The following PTPRD variants were observed in gnomAD, a reference collection of about 807,000 sequenced individuals.
PTPRD encodes the protein protein tyrosine phosphatase receptor type D.
Under a neutral mutation model 214.5 loss-of-function variants are expected in PTPRD, and 34 were observed. That is an observed-to-expected ratio of 0.16 (90% CI 0.12 to 0.21). The LOEUF is 0.21. PTPRD is among the 10% of genes least tolerant of loss of function. The pLI, the probability that PTPRD is intolerant of heterozygous loss-of-function variation, is 1.00. For synonymous variants in PTPRD, 1,128 were observed against 845.7 expected, an observed-to-expected ratio of 1.33 and a Z score of -5.79; for missense variants, 2,545 against 2,398.7, an observed-to-expected ratio of 1.06 and a Z score of -1.27.
intron 3 of PTPRD, among the ~76,000 whole-genome samples, chr9:10,083,342 A>G (rs1159002744): frequency 6.6e-6 from 1 of 151,984 alleles, no homozygotes; most frequent in East Asian, 1.9e-4. Context: ...AGCATTCTCA[A>G]TGCCTATGTA....
At chr9:10,360,457 T>A (rs2097357890) in intron 2 of PTPRD, among the ~76,000 whole-genome samples, 1 of 152,240 alleles carries the variant, frequency 6.6e-6, no homozygotes, top group Admixed American at 6.5e-5. Context: ...ACATAACATG[T>A]CACATTTTCT....
In PTPRD at chr9:8,447,152, G is replaced by C. The variant is rs145158714; in HGVS notation, c.3988+2573C>G. Among the ~76,000 whole-genome samples the C allele has an allele frequency of 2.0e-5, 3 of 152,346 alleles. No individual in the cohort carries two copies. In the East Asian group the frequency reaches 5.8e-4, roughly 29 times the overall value. On this transcript the variant is annotated intron_variant, in intron 34 of 45. Coordinates refer to ENST00000381196, the MANE Select transcript of PTPRD (RefSeq NM_002839.4). The stretch of plus-strand genomic sequence containing the variant: ...TAATGTACTGCTTCCTGAGTGAACA[G>C]ATGTGCTAGGACCTTAGGACAATTT...
intron 10 of PTPRD, among the ~76,000 whole-genome samples, chr9:9,079,239 G>A (rs1028654433): frequency 1.3e-5 from 2 of 151,506 alleles, no homozygotes; most frequent in African/African-American, 4.9e-5. Flanking sequence ...AATATCCTCT[G>A]TTCTACTGTT....
In PTPRD at chr9:8,941,581, T is replaced by C. The variant is rs748791971; in HGVS notation, c.-104+77116A>G. Among the ~76,000 whole-genome samples the C allele has an allele frequency of 8.0e-4, 122 of 152,252 alleles. 2 individuals carry two copies. Among genetic ancestry groups the C allele is most frequent in the East Asian group, 1.5e-3 (8 of 5,176 alleles). ...AAGGAAATAGTTCCTTGGAGTATTG[T>C]TGGGTGGAGTTTAAATATGCACATG... On this transcript the variant is annotated intron_variant, in intron 11 of 45. Coordinates refer to ENST00000381196, the MANE Select transcript of PTPRD (RefSeq NM_002839.4).
chr9:9,337,380 G>A (rs890827182), intron 9 of PTPRD, among the ~76,000 whole-genome samples: 1 of 152,058 alleles, frequency 6.6e-6, no homozygotes, highest in African/African-American at 2.4e-5. Context: ...TCAAAAAGAA[G>A]ACTTTAATAG....
intron 3 of PTPRD, among the ~76,000 whole-genome samples, chr9:10,208,260 A>G (rs1306100394): frequency 6.6e-6 from 1 of 152,220 alleles, no homozygotes; most frequent in Non-Finnish European, 1.5e-5. Flanking sequence ...CAGGCCCGTA[A>G]TCCCAGCACT....
At chr9:9,603,409 A>G (rs1222084281) in intron 7 of PTPRD, among the ~76,000 whole-genome samples, 1 of 152,186 alleles carries the variant, frequency 6.6e-6, no homozygotes, top group Non-Finnish European at 1.5e-5. Flanking sequence ...GTAATTAGAA[A>G]TAGCAAATAA....
chr9:8,389,133 G>T, intron 37 of PTPRD, 99 bp downstream of exon 37: 1 of 1,030,608 alleles, frequency 9.7e-7, no homozygotes, highest in Non-Finnish European at 1.4e-6. Context: ...AGAAAGATAA[G>T]CCTTAGGGAA....
At chr9:8,921,391 T>G (rs2098826865) in intron 11 of PTPRD, among the ~76,000 whole-genome samples, 1 of 152,188 alleles carries the variant, frequency 6.6e-6, no homozygotes, top group Non-Finnish European at 1.5e-5. Flanking sequence ...TCAGACTCAC[T>G]TGGGAGGCTA....
rs114944500 is a variant in PTPRD at position 8,971,597 on chromosome 9, T to G, written c.-104+47100A>C. On this transcript the variant is annotated intron_variant, in intron 11 of 45. Coordinates refer to ENST00000381196, the MANE Select transcript of PTPRD (RefSeq NM_002839.4). The stretch of plus-strand genomic sequence containing the variant: ...TCAATGAACATGATCTATAATTACA[T>G]GTTTAGATTCTAGTGGCAAACTATT... Among the ~76,000 whole-genome samples, 646 of 151,888 alleles carry G rather than the reference T, an allele frequency of 4.3e-3. 1 individual carries two copies. Among genetic ancestry groups the G allele is most frequent in the African/African-American group, 0.014 (585 of 41,536 alleles).
At chr9:9,555,424 C>A (rs41333948) in intron 8 of PTPRD, among the ~76,000 whole-genome samples, 2 of 151,966 alleles carry the variant, frequency 1.3e-5, no homozygotes, top group African/African-American at 4.8e-5. Context: ...GTATAAATAA[C>A]CCTGTAGAGT....
chr9:10,012,530 A>C (rs2096622846), intron 4 of PTPRD, among the ~76,000 whole-genome samples: 1 of 151,984 alleles, frequency 6.6e-6, no homozygotes, highest in Admixed American at 6.6e-5. Context: ...TATTTTTAAA[A>C]AGAAAATAAT....
intron 9 of PTPRD, among the ~76,000 whole-genome samples, chr9:9,323,933 T>C (rs1349656245): frequency 2.0e-5 from 3 of 152,150 alleles, no homozygotes; most frequent in Admixed American, 6.6e-5. Context: ...AATGAGAACA[T>C]GGAGTGTTTG....
chr9:8,447,284 G>T (rs934967982), intron 34 of PTPRD, among the ~76,000 whole-genome samples: 4 of 151,990 alleles, frequency 2.6e-5, no homozygotes, highest in African/African-American at 9.7e-5. Context: ...TTATTCATTT[G>T]AGGTGATAAG....
chr9:9,929,223 T>C (rs1445789765), intron 5 of PTPRD, among the ~76,000 whole-genome samples: 4 of 152,186 alleles, frequency 2.6e-5, no homozygotes, highest in African/African-American at 9.7e-5. Flanking sequence ...GATGAAGGAT[T>C]ATCAAGAGTA....
At chr9:9,749,658 TAATA>T (rs1406433620) in intron 6 of PTPRD, among the ~76,000 whole-genome samples, 1 of 152,142 alleles carries the variant, frequency 6.6e-6, no homozygotes, top group Non-Finnish European at 1.5e-5. Flanking sequence ...GCCTTTTTAA[TAATA>T]AATCATTTTT....
chr9:8,803,164 G>C (rs1249703272), intron 11 of PTPRD, among the ~76,000 whole-genome samples: 1 of 152,124 alleles, frequency 6.6e-6, no homozygotes, highest in African/African-American at 2.4e-5. Context: ...TTGACACATA[G>C]TCATCTTATA....
intron 11 of PTPRD, among the ~76,000 whole-genome samples, chr9:8,781,494 C>T (rs534231024): frequency 6.6e-6 from 1 of 152,104 alleles, no homozygotes; most frequent in Non-Finnish European, 1.5e-5. Context: ...AAACAGAAGG[C>T]AGGTTTTAAA....
chr9:8,914,528 G>A lies in PTPRD; in HGVS notation c.-104+104169C>T, dbSNP rs553892811. On this transcript the variant is annotated intron_variant, in intron 11 of 45. Coordinates refer to ENST00000381196, the MANE Select transcript of PTPRD (RefSeq NM_002839.4). ...GCTCAGAAATATGTAGAGTGATAGG[G>A]GTCGAGATAAATCTGGACCTGAAGC... Among the ~76,000 whole-genome samples the A allele has an allele frequency of 3.0e-3, 463 of 152,122 alleles. 1 individual carries two copies. Among genetic ancestry groups the A allele is most frequent in the Middle Eastern group, 0.014 (4 of 294 alleles).
Sources: gnomAD v4.1 joint callset for allele counts (sites outside exome capture counted in the v4.1 genomes callset) on GRCh38, gnomAD v4.1.1 for gene constraint, MANE v1.5 for transcripts, NCBI Gene and HGNC (gene_info 2026-07-23, HGNC 2026-07-21) for gene names.